Variants in MDGA2 observed in about 807,000 individuals in gnomAD.
MDGA2 encodes the protein MAM domain containing glycosylphosphatidylinositol anchor 2.
In MDGA2, 40 loss-of-function variants were observed where a neutral mutation model predicts 117.8. That is an observed-to-expected ratio of 0.34 (90% CI 0.26 to 0.44). MDGA2 has a LOEUF of 0.44. Among genes scored for constraint, MDGA2 ranks in the 20% least tolerant of loss-of-function variants. The pLI is 1.00. For missense variants in MDGA2, 1,123 were observed against 1,250.6 expected (o/e 0.90, Z 1.54); for synonymous variants, 452 against 439.0 (o/e 1.03, Z -0.37).
chr14:46,873,174 A>T (rs1882083729), intron 14 of MDGA2, among the ~76,000 whole-genome samples: 2 of 151,970 alleles, frequency 1.3e-5, no homozygotes, highest in Non-Finnish European at 2.9e-5. Flanking sequence ...CCTGGTAAAG[A>T]ATTTAACTCA....
chr14:47,212,830 A>G (rs377725686), intron 3 of MDGA2, among the ~76,000 whole-genome samples: 2 of 152,054 alleles, frequency 1.3e-5, no homozygotes, highest in South Asian at 2.1e-4. Flanking sequence ...TATTTTGTAT[A>G]CTCAATTTTG....
intron 2 of MDGA2, among the ~76,000 whole-genome samples, chr14:47,246,802 A>AACACACAAAC (rs1887252009): frequency 7.1e-6 from 1 of 141,760 alleles, no homozygotes; most frequent in Non-Finnish European, 1.5e-5. Context: ...CAGGTAATGA[A>AACACACAAAC]ACACACACAC....
At chr14:47,183,774 A>C (rs1437829674) in intron 3 of MDGA2, among the ~76,000 whole-genome samples, 5 of 152,084 alleles carry the variant, frequency 3.3e-5, no homozygotes, top group Admixed American at 6.6e-5. Flanking sequence ...TTGAAATAAA[A>C]TGACCTCCAC....
chr14:47,532,385 G>A (rs544395288), intron 1 of MDGA2, among the ~76,000 whole-genome samples: 5 of 151,732 alleles, frequency 3.3e-5, no homozygotes, highest in African/African-American at 4.8e-5. Flanking sequence ...CACCAATTTT[G>A]CCCTAACAAT....
intron 8 of MDGA2, among the ~76,000 whole-genome samples, chr14:46,976,798 T>C (rs1006587007): frequency 1.3e-5 from 2 of 151,918 alleles, no homozygotes; most frequent in Non-Finnish European, 2.9e-5. Flanking sequence ...GAATTGAGTC[T>C]TCAGGAATAT....
At chr14:47,496,471 T>C (rs1894283110) in intron 1 of MDGA2, among the ~76,000 whole-genome samples, 1 of 152,082 alleles carries the variant, frequency 6.6e-6, no homozygotes, top group Non-Finnish European at 1.5e-5. Flanking sequence ...CTCAAACTCC[T>C]GGTCTTAAGC....
At chr14:47,380,848 C>T (rs543015906) in intron 1 of MDGA2, among the ~76,000 whole-genome samples, 5 of 152,144 alleles carry the variant, frequency 3.3e-5, no homozygotes, top group Non-Finnish European at 5.9e-5. Context: ...GGAATCCTCC[C>T]TAACTCATTT....
chr14:47,559,135 C>T (rs1895743635), intron 1 of MDGA2, among the ~76,000 whole-genome samples: 1 of 152,086 alleles, frequency 6.6e-6, no homozygotes, highest in South Asian at 2.1e-4. Context: ...AGATTTATTA[C>T]ATAGGTAAAT....
At chr14:47,167,114 A>G (rs1883915276) in intron 3 of MDGA2, among the ~76,000 whole-genome samples, 1 of 152,072 alleles carries the variant, frequency 6.6e-6, no homozygotes, top group Admixed American at 6.6e-5. Flanking sequence ...CTCTCTCTAT[A>G]TATACTTTTA....
At chr14:47,602,477 AT>A (rs747729052) in intron 1 of MDGA2, among the ~76,000 whole-genome samples, 25 of 152,012 alleles carry the variant, frequency 1.6e-4, no homozygotes, top group Non-Finnish European at 3.1e-4. Context: ...AAAAAAAAAA[AT>A]CACAATTTTT....
chr14:46,945,244 G>A (rs184796354), intron 9 of MDGA2, among the ~76,000 whole-genome samples: 9 of 152,204 alleles, frequency 5.9e-5, no homozygotes, highest in East Asian at 5.8e-4. Context: ...GGGACTCACC[G>A]TTAAAATTCC....
At chr14:47,300,180 A>G (rs1026753732) in intron 2 of MDGA2, among the ~76,000 whole-genome samples, 3 of 152,218 alleles carry the variant, frequency 2.0e-5, no homozygotes, top group African/African-American at 7.2e-5. Flanking sequence ...TAAAATCTCC[A>G]CATTACTTTT....
chr14:47,437,100 G>A (rs1892915382), intron 1 of MDGA2, among the ~76,000 whole-genome samples: 1 of 151,482 alleles, frequency 6.6e-6, no homozygotes, highest in African/African-American at 2.4e-5. Context: ...TTTTGTGGTG[G>A]GGAGGGGGAC....
At chr14:47,210,105 G>A (rs910897460) in intron 3 of MDGA2, among the ~76,000 whole-genome samples, 1 of 152,078 alleles carries the variant, frequency 6.6e-6, no homozygotes, top group African/African-American at 2.4e-5. Flanking sequence ...CAGGTAAATT[G>A]TACTTGTAAA....
chr14:47,196,661 C>A (rs1885297971), intron 3 of MDGA2, among the ~76,000 whole-genome samples: 1 of 152,132 alleles, frequency 6.6e-6, no homozygotes, highest in Non-Finnish European at 1.5e-5. Context: ...TCATCATTTA[C>A]AACATAGGCA....
intron 1 of MDGA2, among the ~76,000 whole-genome samples, chr14:47,406,143 T>A (rs1032958336): frequency 6.6e-6 from 1 of 152,120 alleles, no homozygotes; most frequent in Non-Finnish European, 1.5e-5. Context: ...AAGGTTATAC[T>A]CTCACACTGC....
intron 3 of MDGA2, among the ~76,000 whole-genome samples, chr14:47,161,664 A>G (rs1204022110): frequency 2.6e-5 from 4 of 151,704 alleles, no homozygotes; most frequent in African/African-American, 9.7e-5. Flanking sequence ...TCAATAAAGC[A>G]AAAATTTTAG....
intron 10 of MDGA2, among the ~76,000 whole-genome samples, chr14:46,902,698 T>C (rs1341133222): frequency 6.6e-6 from 1 of 152,216 alleles, no homozygotes; most frequent in Non-Finnish European, 1.5e-5. Context: ...GCTTCATATA[T>C]GGCCATGATA....
intron 3 of MDGA2, among the ~76,000 whole-genome samples, chr14:47,207,407 C>G (rs927256232): frequency 2.6e-5 from 4 of 151,736 alleles, no homozygotes; most frequent in African/African-American, 9.7e-5. Context: ...ATTGATCTGG[C>G]AATAATCTGC....
Sources: allele counts gnomAD v4.1 joint callset (sites outside exome capture counted in the v4.1 genomes callset), GRCh38; gene constraint gnomAD v4.1.1; transcripts MANE v1.5; gene names NCBI Gene and HGNC (gene_info 2026-07-23, HGNC 2026-07-21).